BANK1: variants seen among roughly 807,000 people sequenced by gnomAD.
BANK1 encodes B-cell scaffold protein with ankyrin repeats.
Under a neutral mutation model 94.5 loss-of-function variants are expected in BANK1, and 95 were observed. That is an observed-to-expected ratio of 1.00 (90% CI 0.85 to 1.19). The LOEUF (loss-of-function observed/expected upper bound fraction) is 1.19, where lower values mean the gene tolerates loss of function less well. Ranked by LOEUF, BANK1 falls within the 50% of genes most tolerant of loss-of-function variation. The probability of loss-of-function intolerance (pLI) is 0.00; values close to 1 mark genes in which losing one functional copy is unlikely to be tolerated. For synonymous variants in BANK1, 334 were observed against 308.4 expected, an observed-to-expected ratio of 1.08 and a Z score of -0.87; for missense variants, 987 against 932.2, an observed-to-expected ratio of 1.06 and a Z score of -0.77.
chr4:101,955,019 G>T (rs1374806246), intron 7 of BANK1, among the ~76,000 whole-genome samples: 1 of 152,096 alleles, frequency 6.6e-6, no homozygotes, highest in African/African-American at 2.4e-5. Context: ...CTTTCTTAAT[G>T]AAAGATTATG....
At chr4:102,019,758 C>T (rs551505840) in intron 7 of BANK1, among the ~76,000 whole-genome samples, 2 of 150,466 alleles carry the variant, frequency 1.3e-5, no homozygotes, top group South Asian at 4.2e-4. Context: ...TGTAGGGAAC[C>T]TAAGTAAGAA....
At position 101,915,696 on chromosome 4, in the gene BANK1, A is replaced by T. The variant is rs182327960; in HGVS notation, c.1010-2297A>T. ...ATCTACTTGTGAATTTTCCACTACG[A>T]TATTTTATGTAATATGAGAGGTAAC... On this transcript the variant is annotated intron_variant, in intron 6 of 16. Coordinates refer to ENST00000322953, the MANE Select transcript of BANK1 (RefSeq NM_017935.5). Among the ~76,000 whole-genome samples the T allele has an allele frequency of 6.6e-5, 10 of 152,276 alleles. No individual in the cohort carries two copies. In the East Asian group the frequency reaches 1.9e-3, roughly 29 times the overall value.
At chr4:101,872,708 C>T (rs924828950) in intron 5 of BANK1, among the ~76,000 whole-genome samples, 1 of 152,000 alleles carries the variant, frequency 6.6e-6, no homozygotes, top group Non-Finnish European at 1.5e-5. Flanking sequence ...ATTTTGTGGT[C>T]GGGCATGGTA....
At chr4:102,071,407 T>A in intron 14 of BANK1, 103 bp downstream of exon 14, 1 of 1,141,786 alleles carries the variant, frequency 8.8e-7, no homozygotes, top group Non-Finnish European at 1.3e-6. Flanking sequence ...CAAGTCAGTG[T>A]AAACATTCAC....
chr4:102,009,608 T>G (rs1726416848), intron 7 of BANK1, among the ~76,000 whole-genome samples: 1 of 152,192 alleles, frequency 6.6e-6, no homozygotes, highest in African/African-American at 2.4e-5. Flanking sequence ...TTCCTTATTG[T>G]TTGGCCACTC....
intron 1 of BANK1, among the ~76,000 whole-genome samples, chr4:101,800,465 G>A (rs541697244): frequency 1.1e-3 from 166 of 151,798 alleles, no homozygotes; most frequent in African/African-American, 3.8e-3. Flanking sequence ...GAAAGCCTTG[G>A]TACAGTGTTG....
intron 7 of BANK1, among the ~76,000 whole-genome samples, chr4:101,925,806 A>C (rs1264152029): frequency 6.6e-6 from 1 of 151,682 alleles, no homozygotes; most frequent in African/African-American, 2.4e-5. Flanking sequence ...TTTCAAACCA[A>C]TTAGCTTGTG....
At chr4:101,982,266 TAAA>T (rs1017753001) in intron 7 of BANK1, among the ~76,000 whole-genome samples, 48 of 151,536 alleles carry the variant, frequency 3.2e-4, no homozygotes, top group African/African-American at 1.2e-3. Context: ...ATCTATATAA[TAAA>T]AACATATTTT....
At chr4:101,872,412 G>T (rs1428300706) in intron 5 of BANK1, among the ~76,000 whole-genome samples, 1 of 152,118 alleles carries the variant, frequency 6.6e-6, no homozygotes, top group Non-Finnish European at 1.5e-5. Flanking sequence ...AGAAGGAAAG[G>T]CTGCACTTGA....
intron 12 of BANK1, among the ~76,000 whole-genome samples, chr4:102,060,980 C>T (rs554734358): frequency 1.7e-4 from 26 of 152,274 alleles, no homozygotes; most frequent in African/African-American, 5.3e-4. Flanking sequence ...ACACACACCC[C>T]TTGATATTCC....
chr4:101,857,086 TG>T (rs1727705940), intron 3 of BANK1, among the ~76,000 whole-genome samples: 1 of 152,196 alleles, frequency 6.6e-6, no homozygotes, highest in Non-Finnish European at 1.5e-5. Flanking sequence ...CTATGTCAAC[TG>T]TCTGAAAGCA....
intron 7 of BANK1, among the ~76,000 whole-genome samples, chr4:101,959,061 C>T (rs2148918138): frequency 6.6e-6 from 1 of 152,224 alleles, no homozygotes; most frequent in East Asian, 1.9e-4. Flanking sequence ...ACCAGGAAAA[C>T]CTTATTTCCA....
At chr4:101,807,387 G>A (rs912284163) in intron 1 of BANK1, among the ~76,000 whole-genome samples, 1 of 152,090 alleles carries the variant, frequency 6.6e-6, no homozygotes, top group African/African-American at 2.4e-5. Flanking sequence ...CTAAGGACAG[G>A]CTCTGGGCAT....
intron 1 of BANK1, among the ~76,000 whole-genome samples, chr4:101,821,792 C>A (rs1302012143): frequency 6.6e-6 from 1 of 151,906 alleles, no homozygotes; most frequent in Non-Finnish European, 1.5e-5. Context: ...AAAACTGGAC[C>A]CATGAAAGAA....
intron 7 of BANK1, among the ~76,000 whole-genome samples, chr4:101,922,168 A>G (rs1723023276): frequency 6.6e-6 from 1 of 151,732 alleles, no homozygotes; most frequent in South Asian, 2.1e-4. Flanking sequence ...GTGTTGAAGC[A>G]TTTACAATAT....
At chr4:101,843,890 C>A (rs1727150660) in intron 2 of BANK1, among the ~76,000 whole-genome samples, 1 of 152,054 alleles carries the variant, frequency 6.6e-6, no homozygotes, top group Non-Finnish European at 1.5e-5. Flanking sequence ...CCGTTGCACT[C>A]CAGCCTGGGT....
At chr4:102,007,143 ATT>A (rs1491311188) in intron 7 of BANK1, among the ~76,000 whole-genome samples, 3,192 of 30,178 alleles carry the variant, frequency 0.11, 406 homozygotes, top group Non-Finnish European at 0.14. Flanking sequence ...TAAAAAATAT[ATT>A]TTATATATAT....
intron 7 of BANK1, among the ~76,000 whole-genome samples, chr4:101,986,247 A>C (rs955356563): frequency 2.6e-5 from 4 of 152,092 alleles, no homozygotes; most frequent in Non-Finnish European, 5.9e-5. Flanking sequence ...CATGTTCCTA[A>C]AATAGAGCTT....
At chr4:101,863,139 ATCT>A (rs1334486450) in intron 4 of BANK1, among the ~76,000 whole-genome samples, 2 of 151,924 alleles carry the variant, frequency 1.3e-5, no homozygotes, top group African/African-American at 2.4e-5. Context: ...TGTACATATA[ATCT>A]TCTCATCTTT....
Sources: gnomAD v4.1 joint callset for allele counts (sites outside exome capture counted in the v4.1 genomes callset) on GRCh38, gnomAD v4.1.1 for gene constraint, MANE v1.5 for transcripts, NCBI Gene and HGNC (gene_info 2026-07-23, HGNC 2026-07-21) for gene names.